Variants in CCDC112 observed in about 807,000 individuals in gnomAD.
CCDC112 encodes coiled-coil domain-containing protein 112.
CCDC112 carries 40 observed loss-of-function variants against 66.3 expected under a neutral mutation model. That is an observed-to-expected ratio of 0.60 (90% CI 0.47 to 0.79). The LOEUF (loss-of-function observed/expected upper bound fraction) is 0.79. Among genes scored for constraint, CCDC112 ranks in the 30% least tolerant of loss-of-function variants. The pLI is 0.00. For synonymous variants in CCDC112, 214 were observed against 197.2 expected (o/e 1.09, Z -0.71); for missense variants, 659 against 603.8 (o/e 1.09, Z -0.96).
At chr5:115,294,333 G>T (rs919002843) in intron 1 of CCDC112, among the ~76,000 whole-genome samples, 6 of 152,150 alleles carry the variant, frequency 3.9e-5, no homozygotes, top group Non-Finnish European at 7.4e-5. Flanking sequence ...TTAAGGTGGG[G>T]ACCTAATTTG....
chr5:115,285,259 C>T (rs1213969278), intron 1 of CCDC112, among the ~76,000 whole-genome samples: 1 of 151,876 alleles, frequency 6.6e-6, no homozygotes, highest in Non-Finnish European at 1.5e-5. Context: ...TAATATGGTC[C>T]CTGTCTGAAG....
At chr5:115,272,774 T>C (rs1749060880) in intron 6 of CCDC112, among the ~76,000 whole-genome samples, 2 of 152,210 alleles carry the variant, frequency 1.3e-5, no homozygotes, top group Admixed American at 1.3e-4. Flanking sequence ...ATGGTATGTA[T>C]ATATACTATA....
Position 115,296,523 on chromosome 5 carries a change from A to G in CCDC112, c.21T>C (p.Val7=). MAALTT[V]VVAAAATAVA... is the part of the protein sequence containing the mutation. ...CCGCGGTGGCCGCAGCCGCTACCAC[A>G]ACCGTCGTCAGTGCGGCCATGTTTA... The change falls in exon 1 of 10, where the codon GTT becomes GTC. Residue 7 remains valine (V), a synonymous_variant. Transcript: ENST00000379611. The G allele has an allele frequency of 6.5e-7, 1 of 1,537,082 alleles. No individual in the cohort carries two copies. The highest frequency in any genetic ancestry group is 8.7e-7 in the Non-Finnish European group (1 of 1,146,642).
In CCDC112 at chr5:115,279,732, G is replaced by A. The variant is rs201977366; in HGVS notation, c.276C>T (p.Phe92=). 2.6e-6 allele frequency: 4 copies of A among 1,556,582 alleles called. No individual in the cohort carries two copies. ...TTCTGAAGTCACTTTTTTGGTTGTA[G>A]AAATGACTGTGTTTATCTTTTTCCA... The part of the protein sequence containing the change: ...INMEKDKHSH[F]YNQKSDFRIE... Residue 92 remains phenylalanine (F), a synonymous_variant, in exon 3 of 10, where the codon TTC becomes TTT. Transcript: ENST00000379611.
intron 2 of CCDC112, among the ~76,000 whole-genome samples, chr5:115,282,735 G>T (rs1159285427): frequency 6.6e-6 from 1 of 152,088 alleles, no homozygotes; most frequent in Non-Finnish European, 1.5e-5. Flanking sequence ...AAAGGAACTG[G>T]GTGGCTTGGA....
Position 115,277,026 on chromosome 5 carries a change from T to C in CCDC112, c.390A>G (p.Lys130=). 2 of 1,610,194 alleles carry C rather than the reference T, an allele frequency of 1.2e-6. No individual in the cohort carries two copies. The highest frequency in any genetic ancestry group is 1.7e-6 in the Non-Finnish European group (2 of 1,177,420). ...ERAKIQQQLA[K]IHNNVKKLQH... is the part of the protein sequence containing the mutation. ...GAAGTTTCTTTACATTATTATGTAT[T>C]TTGGCCAATTGTTGCTGGATTTTTG... is the stretch of plus-strand genomic sequence containing the variant. Residue 130 remains lysine (K), a synonymous_variant, in exon 4 of 10, where the codon AAA becomes AAG. Transcript: ENST00000379611.
intron 7 of CCDC112, among the ~76,000 whole-genome samples, chr5:115,270,416 C>T (rs1748948642): frequency 6.6e-6 from 1 of 152,042 alleles, no homozygotes; most frequent in Admixed American, 6.6e-5. Flanking sequence ...CCTTCCTTGT[C>T]TTAATACTTT....
chr5:115,276,927 A>G (rs759795907), intron 4 of CCDC112, 38 bp downstream of exon 4: 1 of 1,335,254 alleles, frequency 7.5e-7, no homozygotes, highest in East Asian at 2.3e-5. Flanking sequence ...AGAAAATACT[A>G]ACACATAAGA....
intron 1 of CCDC112, among the ~76,000 whole-genome samples, chr5:115,289,968 C>A (rs1205575611): frequency 6.6e-6 from 1 of 152,216 alleles, no homozygotes; most frequent in Non-Finnish European, 1.5e-5. Flanking sequence ...CAGGCATGAG[C>A]CACTGCACGT....
Position 115,296,479 on chromosome 5 carries a change from C to A in CCDC112, c.65G>T (p.Gly22Val). 2 of 1,567,896 alleles carry A rather than the reference C, an allele frequency of 1.3e-6. No homozygotes were observed. The highest frequency in any genetic ancestry group is 1.1e-5 in the South Asian group (1 of 87,412). ...AATAVAGAVA[G>V]AGAATGTGVG... is the part of the protein sequence containing the mutation. ...GCCGGTCCCGGTGGCCGCGCCCGCC[C>A]CTGCCACAGCCCCGGCTACCGCGGT... Residue 22 changes from glycine (G) to valine (V), a missense_variant, in exon 1 of 10, where the codon GGG (glycine) becomes GTG (valine). Gly to Val is a moderately radical substitution (Grantham distance 109). Transcript: ENST00000379611.
At chr5:115,295,819 G>T in intron 1 of CCDC112, 1 of 865,290 alleles carries the variant, frequency 1.2e-6, no homozygotes, top group South Asian at 5.3e-5. Flanking sequence ...AATAAAACCA[G>T]AAACAGGGAC....
intron 1 of CCDC112, among the ~76,000 whole-genome samples, chr5:115,287,430 G>A (rs1266380608): frequency 1.3e-5 from 2 of 152,090 alleles, no homozygotes. Flanking sequence ...GGAGGCTATT[G>A]TTTTGAACAG....
intron 2 of CCDC112, among the ~76,000 whole-genome samples, chr5:115,284,504 G>A (rs932048838): frequency 2.0e-5 from 3 of 151,968 alleles, no homozygotes; most frequent in Admixed American, 6.6e-5. Context: ...TCTGTTATTC[G>A]TTATATAAAA....
chr5:115,296,538 G>T lies in CCDC112; in HGVS notation c.6C>A (p.Ala2=), dbSNP rs989121199. 2.7e-6 allele frequency: 4 copies of T among 1,505,126 alleles called. No homozygotes were observed. The African/African-American group carries it at 5.8e-5, about 22-fold the overall frequency. The allele number at this position is 1,505,126 out of a possible 1,614,324, so 93.2% of individuals were successfully genotyped here. M[A]ALTTVVVAAA... ...CCGCTACCACAACCGTCGTCAGTGCGGCCATGTTTACCCGCCGAGCTACTC... is the reference window on the plus strand; with the variant it reads ...CCGCTACCACAACCGTCGTCAGTGCTGCCATGTTTACCCGCCGAGCTACTC... The change falls in exon 1 of 10, where the codon GCC becomes GCA. Residue 2 remains alanine (A), a synonymous_variant. Coordinates refer to ENST00000379611, the MANE Select transcript of CCDC112 (RefSeq NM_001040440.3).
intron 1 of CCDC112, among the ~76,000 whole-genome samples, chr5:115,291,252 G>C (rs1282420959): frequency 6.6e-6 from 1 of 151,948 alleles, no homozygotes; most frequent in East Asian, 1.9e-4. Flanking sequence ...ATGCGGTTTT[G>C]CCCTTTATTC....
At chr5:115,289,306 T>C (rs1749820248) in intron 1 of CCDC112, 1 of 158,238 alleles carries the variant, frequency 6.3e-6, no homozygotes, top group Admixed American at 6.5e-5. Flanking sequence ...CTTCCCCTTC[T>C]GCTGAGCTGA....
intron 1 of CCDC112, chr5:115,296,034 T>C: frequency 2.0e-6 from 2 of 996,264 alleles, no homozygotes; most frequent in Non-Finnish European, 2.4e-6. Flanking sequence ...CTGCCACCAA[T>C]TACTGAGCAC....
At chr5:115,273,398 A>T (rs568055571) in intron 6 of CCDC112, among the ~76,000 whole-genome samples, 3 of 152,330 alleles carry the variant, frequency 2.0e-5, no homozygotes, top group Admixed American at 1.3e-4. Context: ...ACTACTCAAC[A>T]TCTTAAAACT....
intron 1 of CCDC112, among the ~76,000 whole-genome samples, chr5:115,290,656 T>C (rs372879566): frequency 1.5e-4 from 23 of 152,178 alleles, no homozygotes; most frequent in East Asian, 7.7e-4. Flanking sequence ...CTTTAATTTT[T>C]TGAATAATTT....
Sources: gnomAD v4.1 joint callset for allele counts (sites outside exome capture counted in the v4.1 genomes callset) on GRCh38, gnomAD v4.1.1 for gene constraint, MANE v1.5 for transcripts, NCBI Gene and HGNC (gene_info 2026-07-23, HGNC 2026-07-21) for gene names.